ZBTB20: variants seen among roughly 807,000 people sequenced by gnomAD.
The protein encoded by ZBTB20 is zinc finger and BTB domain-containing protein 20.
Under a neutral mutation model 56.9 loss-of-function variants are expected in ZBTB20, and 9 were observed. The ratio of observed to expected loss-of-function variants is 0.16; its 90% CI spans 0.10 to 0.28. The LOEUF (loss-of-function observed/expected upper bound fraction) is 0.28, where lower values mean the gene tolerates loss of function less well. Among genes scored for constraint, ZBTB20 ranks in the 10% least tolerant of loss-of-function variants. The pLI is 1.00. For missense variants in ZBTB20, 655 were observed against 1,003.0 expected (o/e 0.65, Z 4.69); for synonymous variants, 417 against 420.7 (o/e 0.99, Z 0.11).
chr3:115,080,101 G>A (rs747198152), intron 1 of ZBTB20, among the ~76,000 whole-genome samples: 1 of 152,056 alleles, frequency 6.6e-6, no homozygotes, highest in East Asian at 1.9e-4. Context: ...AGAGGTAACT[G>A]GGATTAGATA....
Position 115,073,756 on chromosome 3 carries a change from G to A in ZBTB20, c.-702-2342C>T, listed in dbSNP as rs190408589. On this transcript the variant is annotated intron_variant, in intron 1 of 11. Coordinates refer to ENST00000675478, the MANE Select transcript of ZBTB20 (RefSeq NM_001348800.3). ...TTTATAATATAATTAAAAATTAACC[G>A]TATACAATAAAATTTAACTCAAAAT... 1.7e-3 allele frequency among the ~76,000 whole-genome samples: 258 copies of A among 151,418 alleles called. No homozygotes were observed. The Middle Eastern group carries it at 0.024, about 14-fold the overall frequency.
At chr3:114,790,253 G>T (rs1377513206) in intron 5 of ZBTB20, among the ~76,000 whole-genome samples, 2 of 152,018 alleles carry the variant, frequency 1.3e-5, no homozygotes, top group African/African-American at 4.8e-5. Context: ...TTTAATAATA[G>T]ATGTTCATTG....
chr3:115,021,773 C>T (rs2080214719), intron 2 of ZBTB20, among the ~76,000 whole-genome samples: 1 of 150,592 alleles, frequency 6.6e-6, no homozygotes, highest in Non-Finnish European at 1.5e-5. Flanking sequence ...TGTAGTGTAA[C>T]AATGGAAATG....
At chr3:114,405,138 A>G (rs2087190592) in intron 7 of ZBTB20, among the ~76,000 whole-genome samples, 2 of 152,152 alleles carry the variant, frequency 1.3e-5, no homozygotes, top group South Asian at 4.1e-4. Flanking sequence ...AAGCTGTGGT[A>G]TGTAAGAGAA....
In ZBTB20 at chr3:114,316,119, G is replaced by A. The variant is rs754892958; in HGVS notation, c.*22886C>T. ...TTTTGTTCAGTTTGTTGTGGGTGAC[G>A]AGTTTAAAAATGTTTTTCATAGCCA... On this transcript the variant is annotated 3_prime_UTR_variant, in exon 12 of 12. Coordinates refer to ENST00000675478, the MANE Select transcript of ZBTB20 (RefSeq NM_001348800.3). The A allele has an allele frequency of 1.2e-5, 3 of 254,980 alleles. No homozygotes were observed. The highest frequency in any genetic ancestry group is 2.4e-5 in the African/African-American group (1 of 42,024). 15.8% of individuals were successfully genotyped at this position (254,980 alleles called of 1,614,324 possible).
chr3:114,710,049 G>A (rs2063962803), intron 5 of ZBTB20, among the ~76,000 whole-genome samples: 1 of 152,016 alleles, frequency 6.6e-6, no homozygotes, highest in Admixed American at 6.6e-5. Flanking sequence ...CAGAATCTGT[G>A]TCTTCCCCTA....
chr3:115,041,634 C>T (rs2081146002), intron 2 of ZBTB20, among the ~76,000 whole-genome samples: 1 of 152,036 alleles, frequency 6.6e-6, no homozygotes, highest in Admixed American at 6.6e-5. Context: ...TTTAGTTATA[C>T]CAAGGAATTT....
intron 6 of ZBTB20, among the ~76,000 whole-genome samples, chr3:114,589,110 G>A (rs2055482238): frequency 6.6e-6 from 1 of 152,128 alleles, no homozygotes; most frequent in African/African-American, 2.4e-5. Context: ...GACACATGAA[G>A]ATTATGGGAA....
At chr3:114,813,168 G>A (rs915922575) in intron 4 of ZBTB20, among the ~76,000 whole-genome samples, 1 of 152,232 alleles carries the variant, frequency 6.6e-6, no homozygotes, top group Non-Finnish European at 1.5e-5. Flanking sequence ...CAGAGGAGGC[G>A]CCCAGAGCAG....
intron 2 of ZBTB20, among the ~76,000 whole-genome samples, chr3:115,011,470 G>A (rs1441130706): frequency 6.6e-6 from 1 of 151,826 alleles, no homozygotes; most frequent in Non-Finnish European, 1.5e-5. Context: ...CTTTTCACTG[G>A]AAACTTTATA....
chr3:114,350,238 C>G (rs1191941690), intron 11 of ZBTB20, 36 bp downstream of exon 11: 1 of 1,562,868 alleles, frequency 6.4e-7, no homozygotes, highest in Non-Finnish European at 8.7e-7. Flanking sequence ...CCCCCTCAGC[C>G]CCTGCTGCCA....
At chr3:114,711,750 T>C (rs773320286) in intron 5 of ZBTB20, among the ~76,000 whole-genome samples, 1 of 152,166 alleles carries the variant, frequency 6.6e-6, no homozygotes, top group South Asian at 2.1e-4. Context: ...GTTCCAAGTA[T>C]AGTTCATCTT....
intron 10 of ZBTB20, among the ~76,000 whole-genome samples, chr3:114,366,398 G>T (rs1389725612): frequency 1.3e-5 from 2 of 151,824 alleles, no homozygotes; most frequent in Non-Finnish European, 2.9e-5. Flanking sequence ...GGGAATGGGG[G>T]TGGGACTGTA....
intron 7 of ZBTB20, among the ~76,000 whole-genome samples, chr3:114,406,952 T>C (rs1027076810): frequency 6.6e-6 from 1 of 152,194 alleles, no homozygotes; most frequent in Non-Finnish European, 1.5e-5. Flanking sequence ...GTAATTTAAT[T>C]TTTTTCTATG....
intron 7 of ZBTB20, among the ~76,000 whole-genome samples, chr3:114,409,815 T>A (rs1217881804): frequency 6.6e-6 from 1 of 152,168 alleles, no homozygotes; most frequent in Non-Finnish European, 1.5e-5. Context: ...TCATAAGTTA[T>A]AGAATTATCT....
intron 2 of ZBTB20, among the ~76,000 whole-genome samples, chr3:114,997,985 C>A (rs777808997): frequency 6.6e-6 from 1 of 151,626 alleles, no homozygotes; most frequent in Admixed American, 6.6e-5. Context: ...TTTTTGAAAT[C>A]ATTTATTTTT....
intron 5 of ZBTB20, chr3:114,792,119 T>C (rs889423131): frequency 6.6e-6 from 1 of 152,216 alleles, no homozygotes; most frequent in African/African-American, 2.4e-5. Flanking sequence ...CTCATCAGTC[T>C]TGAAGAGATT....
intron 5 of ZBTB20, among the ~76,000 whole-genome samples, chr3:114,772,410 C>T (rs927059302): frequency 6.6e-6 from 1 of 151,884 alleles, no homozygotes; most frequent in African/African-American, 2.4e-5. Context: ...GGCTTACTTC[C>T]TTTTCCCAGC....
chr3:115,015,167 A>G (rs1410753441), intron 2 of ZBTB20, among the ~76,000 whole-genome samples: 1 of 151,782 alleles, frequency 6.6e-6, no homozygotes, highest in Non-Finnish European at 1.5e-5. Context: ...AATGTGACTA[A>G]TTACATAATA....
Sources: allele counts gnomAD v4.1 joint callset (sites outside exome capture counted in the v4.1 genomes callset), GRCh38; gene constraint gnomAD v4.1.1; transcripts MANE v1.5; gene names NCBI Gene and HGNC (gene_info 2026-07-23, HGNC 2026-07-21).